The following NCBP2 variants were observed in gnomAD, a reference collection of about 807,000 sequenced individuals.
NCBP2 encodes nuclear cap-binding protein subunit 2.
In NCBP2, 8 loss-of-function variants were observed where a neutral mutation model predicts 21.5. The ratio of observed to expected loss-of-function variants is 0.37; its 90% CI spans 0.22 to 0.67. NCBP2 has a LOEUF of 0.67. Ranked by LOEUF, NCBP2 falls within the 30% of genes least tolerant of loss-of-function variation. NCBP2 has a pLI of 0.56. For synonymous variants in NCBP2, 92 were observed against 75.8 expected (o/e 1.21, Z -1.11); for missense variants, 127 against 206.9 (o/e 0.61, Z 2.37).
rs1716225648 is a variant in NCBP2 at position 196,935,646 on chromosome 3, T to G, written c.*1365A>C. The stretch of plus-strand genomic sequence containing the variant: ...AAAATTCAGATTTCTACACTCAGTT[T>G]AACGGGAGAGACATTCACACTTAGG... On this transcript the variant is annotated 3_prime_UTR_variant, in exon 4 of 4. Transcript: ENST00000321256. 1 of 152,222 alleles carries G rather than the reference T, an allele frequency of 6.6e-6. No individual in the cohort carries two copies. 9.4% of individuals were successfully genotyped at this position (152,222 alleles called of 1,614,324 possible). A position where few individuals can be genotyped will look rare whatever the true frequency, so the allele number is the denominator to read the frequency against.
At chr3:196,940,910 C>T (rs2108882840) in intron 1 of NCBP2, 1 of 152,312 alleles carries the variant, frequency 6.6e-6, no homozygotes, top group Admixed American at 6.5e-5. Flanking sequence ...ACAGGGAGAC[C>T]CTGTCTCTAC....
intron 1 of NCBP2, chr3:196,939,740 C>A (rs1040019233): frequency 1.1e-5 from 3 of 280,766 alleles, no homozygotes; most frequent in Non-Finnish European, 2.0e-5. Flanking sequence ...GCAGTGCATC[C>A]TTTAAACCCA....
intron 1 of NCBP2, chr3:196,941,875 T>G: frequency 6.5e-7 from 1 of 1,531,150 alleles, no homozygotes; most frequent in Non-Finnish European, 8.8e-7. Flanking sequence ...CGGGTCCACC[T>G]CCCCACTCCG....
rs115500757 is a variant in NCBP2, at chr3:196,940,602, T to C, written c.79-1170A>G. ...TGTGGTGTAAGTGCTTAAAGTATAT[T>C]AATATGGATTCCATTCACAGAATGC... On this transcript the variant is annotated intron_variant, in intron 1 of 3. Coordinates refer to ENST00000321256, the MANE Select transcript of NCBP2 (RefSeq NM_007362.5). 2.9e-3 allele frequency among the ~76,000 whole-genome samples: 436 copies of C among 152,278 alleles called. 6 individuals carry two copies. Among genetic ancestry groups the C allele is most frequent in the African/African-American group, 0.01 (425 of 41,558 alleles).
intron 1 of NCBP2, chr3:196,941,852 G>A (rs1173517907): frequency 6.7e-7 from 1 of 1,486,936 alleles, no homozygotes; most frequent in Non-Finnish European, 9.1e-7. Context: ...CACCCTCAAA[G>A]TGCCGAGCTT....
At chr3:196,942,079 C>A (rs1371777071) in intron 1 of NCBP2, 16 of 1,514,332 alleles carry the variant, frequency 1.1e-5, no homozygotes, top group Non-Finnish European at 1.4e-5. Context: ...GAGAGAAGGG[C>A]ACCCCTCCCC....
At position 196,935,813 on chromosome 3, in the gene NCBP2, A is replaced by C. The variant is rs1293907181; in HGVS notation, c.*1198T>G. On this transcript the variant is annotated 3_prime_UTR_variant, in exon 4 of 4. Coordinates refer to ENST00000321256, the MANE Select transcript of NCBP2 (RefSeq NM_007362.5). The stretch of plus-strand genomic sequence containing the variant: ...ATGAGCAATAACTCAGATATATTAG[A>C]GAGAAATCACCTCTTGCCTTACAAA... 2 of 151,748 alleles carry C rather than the reference A, an allele frequency of 1.3e-5. No homozygotes were observed. The highest frequency in any genetic ancestry group is 2.4e-5 in the African/African-American group (1 of 41,212). 9.4% of individuals were successfully genotyped at this position (151,748 alleles called of 1,614,324 possible). A position where few individuals can be genotyped will look rare whatever the true frequency, so the allele number is the denominator to read the frequency against.
intron 1 of NCBP2, chr3:196,942,186 A>G (rs999856575): frequency 1.4e-6 from 2 of 1,454,666 alleles, no homozygotes; most frequent in South Asian, 1.4e-5. Flanking sequence ...GGGTACAGGG[A>G]GCGGCTGCGA....
At chr3:196,937,871 T>A (rs1263486577) in intron 2 of NCBP2, 1 of 549,578 alleles carries the variant, frequency 1.8e-6, no homozygotes, top group Non-Finnish European at 3.2e-6. Context: ...TTCTTGGACA[T>A]TCCTGTTGAT....
At chr3:196,937,462 G>C in intron 3 of NCBP2, 48 bp downstream of exon 3, 1 of 1,606,516 alleles carries the variant, frequency 6.2e-7, no homozygotes, top group South Asian at 1.1e-5. Flanking sequence ...CTGTCATTGT[G>C]ACTGGAATCC....
At chr3:196,937,477 C>T (rs200485478) in intron 3 of NCBP2, 33 bp downstream of exon 3, 58 of 1,610,178 alleles carry the variant, frequency 3.6e-5, no homozygotes, top group Admixed American at 1.2e-4. Context: ...GAATCCCAGG[C>T]AATGGCTGAG....
At chr3:196,939,718 A>C (rs1716439267) in intron 1 of NCBP2, among the ~76,000 whole-genome samples, 1 of 152,166 alleles carries the variant, frequency 6.6e-6, no homozygotes, top group African/African-American at 2.4e-5. Context: ...CCCTGCACAC[A>C]CCATATCCTC....
intron 2 of NCBP2, chr3:196,938,463 T>C (rs571689035): frequency 7.9e-5 from 12 of 152,228 alleles, no homozygotes; most frequent in African/African-American, 4.8e-5. Context: ...GAATATTAAA[T>C]TGAATGACCA....
chr3:196,939,238 A>G lies in NCBP2; in HGVS notation c.260+13T>C. 6.2e-7 allele frequency: 1 copy of G among 1,608,984 alleles called. No individual in the cohort carries two copies. Among genetic ancestry groups the G allele is most frequent in the African/African-American group, 1.3e-5 (1 of 74,910 alleles). ...CTGGTTCAGCAGCTACATTAGATCC[A>G]TGGGAAGGATACTCCACAAAACAGA... On this transcript the variant is annotated intron_variant, in intron 2 of 3. Coordinates refer to ENST00000321256, the MANE Select transcript of NCBP2 (RefSeq NM_007362.5).
At chr3:196,941,859 G>A (rs1577868060) in intron 1 of NCBP2, 1 of 1,504,606 alleles carries the variant, frequency 6.6e-7, no homozygotes, top group East Asian at 2.5e-5. Flanking sequence ...AAAGTGCCGA[G>A]CTTGGCGGGT....
chr3:196,941,450 A>G (rs1716558698), intron 1 of NCBP2: 1 of 157,378 alleles, frequency 6.4e-6, no homozygotes, highest in African/African-American at 2.4e-5. Context: ...CCCTTTCCCT[A>G]CTCTAGTAAC....
intron 2 of NCBP2, chr3:196,939,005 AATT>A (rs762046810): frequency 0.014 from 4,768 of 348,098 alleles, no homozygotes; most frequent in Non-Finnish European, 0.016. Flanking sequence ...CATTCTTTGG[AATT>A]TTTTTTTTTT....
In NCBP2 at chr3:196,939,240, G is replaced by T. The variant is rs1385271211; in HGVS notation, c.260+11C>A. 3.7e-6 allele frequency: 6 copies of T among 1,609,200 alleles called. No individual in the cohort carries two copies. The highest frequency in any genetic ancestry group is 2.7e-5 in the African/African-American group (2 of 74,786). On this transcript the variant is annotated intron_variant, in intron 2 of 3. Transcript: ENST00000321256. ...GGTTCAGCAGCTACATTAGATCCAT[G>T]GGAAGGATACTCCACAAAACAGAAT...
intron 2 of NCBP2, chr3:196,938,073 G>C (rs553213609): frequency 6.3e-5 from 10 of 158,408 alleles, no homozygotes; most frequent in African/African-American, 1.9e-4. Context: ...CTGTCACCAA[G>C]GTAGCAGTTC....
Sources: gnomAD v4.1 joint callset for allele counts (sites outside exome capture counted in the v4.1 genomes callset) on GRCh38, gnomAD v4.1.1 for gene constraint, MANE v1.5 for transcripts, NCBI Gene and HGNC (gene_info 2026-07-23, HGNC 2026-07-21) for gene names.